TENM1: variants seen among roughly 807,000 people sequenced by gnomAD.
The protein encoded by TENM1 is teneurin-1.
A neutral mutation model predicts 174.8 loss-of-function variants in TENM1; 35 were observed. The ratio of observed to expected loss-of-function variants is 0.20; its 90% CI spans 0.15 to 0.27. The LOEUF (loss-of-function observed/expected upper bound fraction) is 0.27. TENM1 is among the 10% of genes least tolerant of loss of function. TENM1 has a pLI of 1.00. For synonymous variants in TENM1, 781 were observed against 798.7 expected (o/e 0.98, Z 0.37); for missense variants, 1,633 against 2,130.1 (o/e 0.77, Z 4.59).
chrX:124,898,170 T>A (rs753399718), intron 1 of TENM1, among the ~76,000 whole-genome samples: 3 of 111,497 alleles, frequency 2.7e-5, no homozygotes, highest in Admixed American at 1.9e-4. Context: ...CCCACTCCCA[T>A]CCGTGCCTTC....
the TENM1 span, among the ~76,000 whole-genome samples, chrX:125,183,522 G>T: frequency 1.8e-5 from 2 of 111,900 alleles, no homozygotes; most frequent in Non-Finnish European, 3.8e-5. Flanking sequence ...GCACTTGGAT[G>T]GTTTCAAGGT....
At chrX:125,026,917 T>G in the TENM1 span, among the ~76,000 whole-genome samples, 14 of 111,510 alleles carry the variant, frequency 1.3e-4, no homozygotes, top group Non-Finnish European at 2.6e-4. Context: ...AATATAGCAG[T>G]AGTCCCTCAA....
intron 11 of TENM1, among the ~76,000 whole-genome samples, chrX:124,620,677 A>G (rs1226244763): frequency 1.8e-5 from 2 of 112,127 alleles, no homozygotes; most frequent in Non-Finnish European, 3.8e-5. Flanking sequence ...CCAAACTTCT[A>G]TCTAGAAAAA....
At chrX:124,471,499 A>C (rs1402514334) in intron 22 of TENM1, among the ~76,000 whole-genome samples, 1 of 68,642 alleles carries the variant, frequency 1.5e-5, no homozygotes, top group Non-Finnish European at 2.4e-5. Context: ...AGTATTATAT[A>C]ATATATAATA....
the TENM1 span, among the ~76,000 whole-genome samples, chrX:124,969,172 T>A: frequency 8.9e-6 from 1 of 112,479 alleles, no homozygotes; most frequent in East Asian, 2.8e-4. Context: ...ATTTTGATAA[T>A]GATAAACTCT....
At chrX:125,144,686 A>G in the TENM1 span, among the ~76,000 whole-genome samples, 3 of 111,184 alleles carry the variant, frequency 2.7e-5, no homozygotes. Flanking sequence ...CAAGGACTTC[A>G]TCTGTCTTAT....
the TENM1 span, among the ~76,000 whole-genome samples, chrX:125,054,334 T>G: frequency 9.1e-6 from 1 of 110,387 alleles, no homozygotes; most frequent in Non-Finnish European, 1.9e-5. Flanking sequence ...CCACGCTTTC[T>G]GTACAGTCTG....
At chrX:124,579,626 T>C (rs924676788) in intron 11 of TENM1, among the ~76,000 whole-genome samples, 1 of 112,097 alleles carries the variant, frequency 8.9e-6, no homozygotes, top group Non-Finnish European at 1.9e-5. Flanking sequence ...GTAGTTTTTA[T>C]ACATATGCAT....
the TENM1 span, among the ~76,000 whole-genome samples, chrX:125,183,282 G>A: frequency 1.8e-5 from 2 of 111,805 alleles, no homozygotes; most frequent in Non-Finnish European, 3.8e-5. Context: ...CTCAGAAGTA[G>A]GCATTTTATA....
At chrX:124,659,670 C>A (rs1398699967) in intron 6 of TENM1, among the ~76,000 whole-genome samples, 1 of 110,762 alleles carries the variant, frequency 9.0e-6, no homozygotes, top group African/African-American at 3.3e-5. Flanking sequence ...CTCAGAATAA[C>A]TAAAGCAATC....
intron 3 of TENM1, among the ~76,000 whole-genome samples, chrX:124,869,210 G>C: frequency 9.1e-6 from 1 of 110,213 alleles, no homozygotes; most frequent in Non-Finnish European, 1.9e-5. Context: ...TCCAGCCTGG[G>C]CCACAGAGCG....
chrX:124,422,413 C>T (rs1372523821), exon 24 of TENM1: 1 of 1,211,448 alleles, frequency 8.3e-7, no homozygotes. Context: ...AAGAGCAGCC[C>T]GCTGTGGGAG....
At chrX:124,940,915 A>G (rs897756099) in intron 1 of TENM1, among the ~76,000 whole-genome samples, 1 of 111,659 alleles carries the variant, frequency 9.0e-6, no homozygotes, top group African/African-American at 3.3e-5. Context: ...TCCCTTGACT[A>G]TAAGTATTCA....
intron 4 of TENM1, among the ~76,000 whole-genome samples, chrX:124,715,853 T>G (rs1603054758): frequency 9.0e-6 from 1 of 111,177 alleles, no homozygotes; most frequent in South Asian, 3.8e-4. Flanking sequence ...TATACTTTTC[T>G]GTATCATTTA....
the TENM1 span, among the ~76,000 whole-genome samples, chrX:125,081,807 T>A: frequency 9.0e-6 from 1 of 111,547 alleles, no homozygotes; most frequent in African/African-American, 3.2e-5. Context: ...GAATATTTAT[T>A]CAGCCATAAA....
intron 1 of TENM1, among the ~76,000 whole-genome samples, chrX:124,915,222 C>A (rs369258568): frequency 1.0e-3 from 116 of 112,306 alleles, no homozygotes; most frequent in African/African-American, 3.6e-3. Flanking sequence ...ACTCTCTACT[C>A]CTACTAAAAT....
At position 124,724,662 on chromosome X, in the gene TENM1, G is replaced by A. The variant is rs928428579; in HGVS notation, c.776+12295C>T. ...AATACAAACATTAGCTGAGCATGGT[G>A]GCATGCACCTGTGGTCCCAGCTACT... On this transcript the variant is annotated intron_variant, in intron 4 of 31. Transcript: ENST00000422452. 2.7e-5 allele frequency among the ~76,000 whole-genome samples: 3 copies of A among 111,563 alleles called. No individual in the cohort carries two copies. The Admixed American group carries it at 2.8e-4, about 11-fold the overall frequency.
chrX:124,782,380 T>C (rs919868894), intron 3 of TENM1, among the ~76,000 whole-genome samples: 8 of 111,155 alleles, frequency 7.2e-5, no homozygotes, highest in African/African-American at 2.0e-4. Context: ...TATAAGGCCC[T>C]TATAAATCCA....
chrX:125,042,982 T>C, the TENM1 span, among the ~76,000 whole-genome samples: 1 of 111,313 alleles, frequency 9.0e-6, no homozygotes, highest in Non-Finnish European at 1.9e-5. Flanking sequence ...GGTAGAAAGT[T>C]TAGGAACAGG....
Sources: allele counts gnomAD v4.1 joint callset (sites outside exome capture counted in the v4.1 genomes callset), GRCh38; gene constraint gnomAD v4.1.1; transcripts MANE v1.5; gene names NCBI Gene and HGNC (gene_info 2026-07-23, HGNC 2026-07-21).